FARS2: variants seen among roughly 807,000 people sequenced by gnomAD.
FARS2 encodes phenylalanyl-tRNA synthetase 2, mitochondrial.
Under a neutral mutation model 46.4 loss-of-function variants are expected in FARS2, and 40 were observed. The ratio of observed to expected loss-of-function variants is 0.86; its 90% confidence interval spans 0.67 to 1.12. The LOEUF (loss-of-function observed/expected upper bound fraction) is 1.12, where lower values mean the gene tolerates loss of function less well. FARS2 is among the 50% of genes most tolerant of loss of function. FARS2 has a pLI of 0.00. For missense variants in FARS2, 513 were observed against 567.9 expected, an observed-to-expected ratio of 0.90 and a Z score of 0.98; for synonymous variants, 234 against 214.9, an observed-to-expected ratio of 1.09 and a Z score of -0.78.
At chr6:5,528,924 A>T (rs1769645289) in intron 4 of FARS2, among the ~76,000 whole-genome samples, 1 of 152,178 alleles carries the variant, frequency 6.6e-6, no homozygotes, top group East Asian at 1.9e-4. Context: ...AGGATGTTGG[A>T]GCAGAAAGAT....
In FARS2 at chr6:5,473,548, A is replaced by AAC. The variant is rs1451385102; in HGVS notation, c.904+42377_904+42378insCA. 1.7e-4 allele frequency among the ~76,000 whole-genome samples: 23 copies of AAC among 136,016 alleles called. No individual in the cohort carries two copies. The East Asian group carries it at 3.6e-3, about 21-fold the overall frequency. 89.2% of individuals were successfully genotyped at this position (136,016 alleles called of 152,430 possible). On this transcript the variant is annotated intron_variant, in intron 4 of 6. Coordinates refer to ENST00000274680, the MANE Select transcript of FARS2 (RefSeq NM_006567.5). ...TCTCAAAAAACAAAAAAAAAAACAA[A>AAC]AAAAAAAAACAAAAGAATACCCTGC...
chr6:5,418,338 A>G (rs1319950904), intron 3 of FARS2, among the ~76,000 whole-genome samples: 3 of 152,144 alleles, frequency 2.0e-5, no homozygotes, highest in African/African-American at 7.2e-5. Flanking sequence ...CGCGAGCTTT[A>G]TTCTGGGATT....
At chr6:5,653,260 C>CAG (rs1176446828) in intron 6 of FARS2, among the ~76,000 whole-genome samples, 2 of 152,176 alleles carry the variant, frequency 1.3e-5, no homozygotes, top group African/African-American at 4.8e-5. Flanking sequence ...TATTTTATAG[C>CAG]AGTTCTTCCT....
intron 5 of FARS2, among the ~76,000 whole-genome samples, chr6:5,581,821 C>A (rs1196847031): frequency 3.4e-5 from 5 of 148,608 alleles, no homozygotes; most frequent in African/African-American, 5.0e-5. Flanking sequence ...ATGCGCTTTT[C>A]TAAATGGTCA....
At chr6:5,722,640 A>G (rs1262424683) in intron 6 of FARS2, among the ~76,000 whole-genome samples, 1 of 152,152 alleles carries the variant, frequency 6.6e-6, no homozygotes, top group South Asian at 2.1e-4. Flanking sequence ...GCGCAGGGAG[A>G]GAAAAGGTCA....
chr6:5,630,649 G>A lies in FARS2; in HGVS notation c.1217+17329G>A, dbSNP rs546987777. 5.3e-5 allele frequency among the ~76,000 whole-genome samples: 8 copies of A among 152,228 alleles called. No individual in the cohort carries two copies. In the East Asian group the frequency reaches 1.2e-3, roughly 22 times the overall value. On this transcript the variant is annotated intron_variant, in intron 6 of 6. Coordinates refer to ENST00000274680, the MANE Select transcript of FARS2 (RefSeq NM_006567.5). This position sits in a 1 kb window ranked among gnomAD's most constrained non-coding sequence, Gnocchi z 4.2. ...TTACCCGTTCTGATTTTCCTTCCTCGTATAGCTCACTTGAAGGGTGGGATA... is the reference window on the plus strand; with the variant it reads ...TTACCCGTTCTGATTTTCCTTCCTCATATAGCTCACTTGAAGGGTGGGATA...
intron 4 of FARS2, among the ~76,000 whole-genome samples, chr6:5,468,202 GC>G (rs1299885923): frequency 6.6e-6 from 1 of 152,096 alleles, no homozygotes; most frequent in Non-Finnish European, 1.5e-5. Context: ...CAACATCAAA[GC>G]CCATGATTTT....
intron 6 of FARS2, among the ~76,000 whole-genome samples, chr6:5,680,720 C>G (rs1290084843): frequency 2.0e-5 from 3 of 147,374 alleles, no homozygotes; most frequent in Non-Finnish European, 4.5e-5. Flanking sequence ...GTTTGTTCTG[C>G]AAAAAGTACA....
intron 4 of FARS2, among the ~76,000 whole-genome samples, chr6:5,525,430 A>G (rs966417438): frequency 1.3e-5 from 2 of 152,114 alleles, no homozygotes; most frequent in Non-Finnish European, 2.9e-5. Context: ...ATGCATTTCC[A>G]GGTTTTATTG....
chr6:5,637,647 A>G (rs551922453), intron 6 of FARS2, among the ~76,000 whole-genome samples: 12 of 152,344 alleles, frequency 7.9e-5, no homozygotes, highest in African/African-American at 2.9e-4. Context: ...AGGGCTGCAT[A>G]ATAAACACCA....
At chr6:5,434,789 T>G (rs776329634) in intron 4 of FARS2, among the ~76,000 whole-genome samples, 1 of 151,988 alleles carries the variant, frequency 6.6e-6, no homozygotes, top group Non-Finnish European at 1.5e-5. Context: ...GCTCTTCCCC[T>G]CTCTTTACTT....
At chr6:5,263,236 C>T (rs769968956) in intron 1 of FARS2, among the ~76,000 whole-genome samples, 1 of 152,094 alleles carries the variant, frequency 6.6e-6, no homozygotes, top group East Asian at 1.9e-4. Flanking sequence ...ATTAATGTAT[C>T]TAAATTACTC....
chr6:5,398,317 C>T (rs533733104), intron 2 of FARS2, among the ~76,000 whole-genome samples: 1 of 152,094 alleles, frequency 6.6e-6, no homozygotes, highest in South Asian at 2.1e-4. Flanking sequence ...CCTTCTCTCC[C>T]ATATATTTAT....
intron 1 of FARS2, among the ~76,000 whole-genome samples, chr6:5,340,901 A>G (rs1159110436): frequency 6.6e-6 from 1 of 151,912 alleles, no homozygotes; most frequent in Non-Finnish European, 1.5e-5. Flanking sequence ...TAATCCCAGC[A>G]CTTTGGGAGG....
intron 6 of FARS2, among the ~76,000 whole-genome samples, chr6:5,615,313 C>T (rs1315639055): frequency 6.6e-6 from 1 of 152,162 alleles, no homozygotes; most frequent in Non-Finnish European, 1.5e-5. Context: ...CTCATTTCCG[C>T]TTCATTTGGT....
At chr6:5,736,146 A>G (rs1269332135) in intron 6 of FARS2, among the ~76,000 whole-genome samples, 1 of 152,164 alleles carries the variant, frequency 6.6e-6, no homozygotes, top group Non-Finnish European at 1.5e-5. Context: ...CTGTGCCAGG[A>G]AAGGCTCGGT....
chr6:5,629,230 C>T (rs897153180), intron 6 of FARS2, among the ~76,000 whole-genome samples: 1 of 152,164 alleles, frequency 6.6e-6, no homozygotes, highest in East Asian at 1.9e-4. Flanking sequence ...TCAAGAAGCT[C>T]ACAGTCTGAT....
intron 4 of FARS2, among the ~76,000 whole-genome samples, chr6:5,448,101 G>A (rs1764280309): frequency 6.6e-6 from 1 of 152,190 alleles, no homozygotes; most frequent in African/African-American, 2.4e-5. Context: ...CAGTGTGGTT[G>A]GGGTAGCCTA....
intron 4 of FARS2, among the ~76,000 whole-genome samples, chr6:5,495,090 C>T (rs1767373217): frequency 6.6e-6 from 1 of 152,186 alleles, no homozygotes; most frequent in African/African-American, 2.4e-5. Context: ...GTTTTCCCTC[C>T]TTCCCTCTCA....
Sources: gnomAD v4.1 joint callset for allele counts (sites outside exome capture counted in the v4.1 genomes callset) on GRCh38, gnomAD v4.1.1 for gene constraint, Gnocchi (gnomAD v3.1) non-coding constraint, MANE v1.5 for transcripts, NCBI Gene and HGNC (gene_info 2026-07-23, HGNC 2026-07-21) for gene names.